STAG1: variants seen among roughly 807,000 people sequenced by gnomAD.
STAG1 encodes cohesin subunit SA-1.
A neutral mutation model predicts 170.9 loss-of-function variants in STAG1; 26 were observed. The observed-to-expected ratio is 0.15, with a 90% confidence interval of 0.11 to 0.21. The LOEUF (loss-of-function observed/expected upper bound fraction) is 0.21, where lower values mean the gene tolerates loss of function less well. Among genes scored for constraint, STAG1 ranks in the 10% least tolerant of loss-of-function variants. The pLI, the probability that STAG1 is intolerant of heterozygous loss-of-function variation, is 1.00. For missense variants in STAG1, 964 were observed against 1,509.5 expected, an observed-to-expected ratio of 0.64 and a Z score of 5.99; for synonymous variants, 514 against 497.7, an observed-to-expected ratio of 1.03 and a Z score of -0.44.
chr3:136,422,844 G>C lies in STAG1; in HGVS notation c.1757C>G (p.Ala586Gly), dbSNP rs762179492. The C allele has an allele frequency of 8.1e-6, 13 of 1,608,500 alleles. No homozygotes were observed. The highest frequency in any genetic ancestry group is 1.3e-5 in the African/African-American group (1 of 74,658). ...PMLLSKYSAD[A>G]EKVANLLQIP... is the part of the protein sequence containing the mutation. Reference sequence around the variant, plus strand: ...TTGTAGCAAGTTTGCTACCTTCTCTGCATCTGCAGAATACTAGAAGGAGAA... The same window carrying C: ...TTGTAGCAAGTTTGCTACCTTCTCTCCATCTGCAGAATACTAGAAGGAGAA... Residue 586 changes from alanine to glycine, a missense_variant, in exon 18 of 34, where the codon GCA (alanine) becomes GGA (glycine). By Grantham distance (60) the Ala-to-Gly change is moderately conservative. Around this residue, in one of 11 missense-constraint regions of STAG1, gnomAD observed 232 missense variants for 313.0 expected, o/e 0.74. Coordinates refer to ENST00000383202, the MANE Select transcript of STAG1 (RefSeq NM_005862.3).
intron 15 of STAG1, among the ~76,000 whole-genome samples, chr3:136,434,628 G>A (rs1378592924): frequency 6.6e-6 from 1 of 152,046 alleles, no homozygotes; most frequent in East Asian, 1.9e-4. Flanking sequence ...ACTCTTCATG[G>A]TATCTTCTGT....
At chr3:136,348,169 G>A (rs1314882666) in intron 29 of STAG1, among the ~76,000 whole-genome samples, 5 of 151,990 alleles carry the variant, frequency 3.3e-5, no homozygotes, top group African/African-American at 1.2e-4. Flanking sequence ...CTCTTGGTTT[G>A]GAGAAAATTT....
At chr3:136,548,087 A>G (rs777058918) in intron 5 of STAG1, among the ~76,000 whole-genome samples, 1 of 151,090 alleles carries the variant, frequency 6.6e-6, no homozygotes, top group Admixed American at 6.6e-5. Context: ...TGCTATGCCT[A>G]TCTTCATACT....
At chr3:136,366,023 T>G (rs1937061450) in intron 25 of STAG1, among the ~76,000 whole-genome samples, 1 of 151,884 alleles carries the variant, frequency 6.6e-6, no homozygotes, top group East Asian at 1.9e-4. Flanking sequence ...CTCCTCTCAC[T>G]TAAGTCTCTC....
intron 32 of STAG1, among the ~76,000 whole-genome samples, chr3:136,340,081 CCCACTGTTG>C (rs1935903550): frequency 6.6e-6 from 1 of 152,218 alleles, no homozygotes; most frequent in African/African-American, 2.4e-5. Context: ...CATCCAAATG[CCCACTGTTG>C]TTGATCAGTG....
intron 1 of STAG1, among the ~76,000 whole-genome samples, chr3:136,679,728 TAAA>T (rs61069088): frequency 0.5 from 58,640 of 117,078 alleles, 14,380 homozygotes; most frequent in Non-Finnish European, 0.56. Flanking sequence ...GACTCCGTCT[TAAA>T]AAAAAAAAAA....
At chr3:136,549,280 A>G (rs1173880221) in intron 5 of STAG1, among the ~76,000 whole-genome samples, 2 of 152,052 alleles carry the variant, frequency 1.3e-5, no homozygotes, top group Non-Finnish European at 2.9e-5. Context: ...TGATTGATGA[A>G]TTGTAACATT....
At position 136,367,088 on chromosome 3, in the gene STAG1, C is replaced by G. The variant is rs1344589862; in HGVS notation, c.2546-6G>C. 2 of 1,592,532 alleles carry G rather than the reference C, an allele frequency of 1.3e-6. No homozygotes were observed. The highest frequency in any genetic ancestry group is 1.1e-5 in the South Asian group (1 of 88,802). On this transcript the variant is annotated splice_polypyrimidine_tract_variant and splice_region_variant and intron_variant, in intron 24 of 33. Transcript: ENST00000383202. Reference sequence around the variant, plus strand: ...TTCATCTTCTTCATCACCCTCTAAACACAGATTACAAATTGGTTATGAATT... The same window carrying G: ...TTCATCTTCTTCATCACCCTCTAAAGACAGATTACAAATTGGTTATGAATT...
chr3:136,719,029 C>T (rs1169426626), intron 1 of STAG1, among the ~76,000 whole-genome samples: 3 of 152,036 alleles, frequency 2.0e-5, no homozygotes, highest in Admixed American at 6.5e-5. Flanking sequence ...ACTACATGAC[C>T]GAGCAATTCC....
intron 1 of STAG1, among the ~76,000 whole-genome samples, chr3:136,654,971 C>T (rs1228020592): frequency 6.6e-6 from 1 of 152,114 alleles, no homozygotes; most frequent in Non-Finnish European, 1.5e-5. Context: ...TTATTTAACA[C>T]TAAATACAAA....
chr3:136,341,654 G>A, intron 30 of STAG1, 103 bp from the exon 31 acceptor site: 1 of 695,374 alleles, frequency 1.4e-6, no homozygotes, highest in Non-Finnish European at 2.5e-6. Context: ...ATCCCATGTT[G>A]GAGGAATTAG....
chr3:136,599,690 G>A (rs528836243), intron 4 of STAG1, among the ~76,000 whole-genome samples: 1 of 151,978 alleles, frequency 6.6e-6, no homozygotes, highest in East Asian at 1.9e-4. Flanking sequence ...CATTCTAACT[G>A]AGTCCAATAA....
At chr3:136,658,393 T>C (rs549925562) in intron 1 of STAG1, among the ~76,000 whole-genome samples, 1 of 148,688 alleles carries the variant, frequency 6.7e-6, no homozygotes, top group African/African-American at 2.5e-5. Flanking sequence ...ATAGGAAATT[T>C]AAAAAAAAAA....
chr3:136,649,956 A>AG lies in STAG1; in HGVS notation c.-83-18976dup, dbSNP rs904700524. ...CTAATTCTTTGTATTTTTAATAGAG[A>AG]GGGGGTTTCACCGTGTCAGCCAAGA... On this transcript the variant is annotated intron_variant, in intron 1 of 33. Transcript: ENST00000383202. 2.6e-4 allele frequency among the ~76,000 whole-genome samples: 40 copies of AG among 152,072 alleles called. No individual in the cohort carries two copies. The Middle Eastern group carries it at 0.01, about 39-fold the overall frequency.
chr3:136,525,999 G>A (rs1370914222), intron 6 of STAG1, among the ~76,000 whole-genome samples: 1 of 152,186 alleles, frequency 6.6e-6, no homozygotes, highest in Non-Finnish European at 1.5e-5. Context: ...ATTTGCTGAG[G>A]AGTGCTTTAC....
chr3:136,601,942 T>C (rs1938695026), intron 4 of STAG1, among the ~76,000 whole-genome samples: 2 of 152,184 alleles, frequency 1.3e-5, no homozygotes, highest in South Asian at 4.1e-4. Context: ...AAAACACTTC[T>C]ATTGGTCAAT....
chr3:136,538,550 T>C (rs1017722375), intron 6 of STAG1, among the ~76,000 whole-genome samples: 1 of 151,966 alleles, frequency 6.6e-6, no homozygotes, highest in African/African-American at 2.4e-5. Context: ...ACTCCAGTAA[T>C]TGAAATTACA....
chr3:136,381,040 A>AG (rs1173490217), intron 22 of STAG1, among the ~76,000 whole-genome samples: 7 of 151,574 alleles, frequency 4.6e-5, no homozygotes, highest in South Asian at 2.1e-4. Flanking sequence ...AAAAAAAGAA[A>AG]AAAAAAAAAA....
intron 1 of STAG1, among the ~76,000 whole-genome samples, chr3:136,725,279 GGTGTGTGT>G (rs10675753): frequency 1.3e-5 from 2 of 150,790 alleles, no homozygotes; most frequent in Non-Finnish European, 3.0e-5. Flanking sequence ...AAATTATACG[GGTGTGTGT>G]GTGTGTGTGT....
Sources: allele counts gnomAD v4.1 joint callset (sites outside exome capture counted in the v4.1 genomes callset), GRCh38; gene constraint gnomAD v4.1.1; regional missense constraint gnomAD v4.1.1; transcripts MANE v1.5; gene names NCBI Gene and HGNC (gene_info 2026-07-23, HGNC 2026-07-21).